Variants in MALRD1 observed in about 807,000 individuals in gnomAD.
MALRD1 encodes the protein MAM and LDL-receptor class A domain-containing protein 1.
MALRD1 carries 247 observed loss-of-function variants against 242.1 expected under a neutral mutation model. The ratio of observed to expected loss-of-function variants is 1.02; its 90% CI spans 0.92 to 1.13. MALRD1 has a LOEUF of 1.13. Among genes scored for constraint, MALRD1 ranks in the 50% most tolerant of loss-of-function variants. The pLI is 0.00. For synonymous variants in MALRD1, 995 were observed against 866.6 expected (o/e 1.15, Z -2.60); for missense variants, 2,989 against 2,533.1 (o/e 1.18, Z -3.86).
chr10:19,198,496 A>G (rs909311864), intron 14 of MALRD1, among the ~76,000 whole-genome samples: 5 of 152,206 alleles, frequency 3.3e-5, no homozygotes, highest in Non-Finnish European at 5.9e-5. Context: ...TTTATTCTAC[A>G]GGATAATAAC....
chr10:19,388,890 A>AG (rs1396356256), intron 27 of MALRD1, among the ~76,000 whole-genome samples: 2 of 151,384 alleles, frequency 1.3e-5, no homozygotes, highest in Non-Finnish European at 2.9e-5. Flanking sequence ...TGAAAAAAAA[A>AG]AAAAAAAAAG....
intron 36 of MALRD1, among the ~76,000 whole-genome samples, chr10:19,630,030 C>A (rs1036256896): frequency 1.3e-5 from 2 of 152,110 alleles, no homozygotes; most frequent in Non-Finnish European, 2.9e-5. Context: ...AATTTTGAAA[C>A]CCCCTTGGGA....
At chr10:19,660,187 A>G (rs947833666) in intron 36 of MALRD1, among the ~76,000 whole-genome samples, 8 of 152,190 alleles carry the variant, frequency 5.3e-5, no homozygotes, top group Admixed American at 3.3e-4. Flanking sequence ...TATACAGACA[A>G]TATGTCAGAG....
chr10:19,389,276 G>A, intron 27 of MALRD1, 176 bp from the exon 28 acceptor site: 2 of 736,872 alleles, frequency 2.7e-6, no homozygotes, highest in Non-Finnish European at 2.4e-6. Context: ...GTTGGAAATT[G>A]TTCTGTCAGC....
intron 21 of MALRD1, among the ~76,000 whole-genome samples, chr10:19,293,718 C>T (rs912315321): frequency 3.9e-5 from 6 of 151,924 alleles, no homozygotes; most frequent in Admixed American, 6.6e-5. Flanking sequence ...AACTCTTGGA[C>T]GCAAAGAAGG....
At chr10:19,115,287 C>T (rs913709033) in intron 5 of MALRD1, among the ~76,000 whole-genome samples, 1 of 152,172 alleles carries the variant, frequency 6.6e-6, no homozygotes, top group Non-Finnish European at 1.5e-5. Flanking sequence ...CGTGCTCCCT[C>T]TTCTTGGAGA....
At position 19,283,167 on chromosome 10, in the gene MALRD1, A is replaced by C. The variant is rs1385050602; in HGVS notation, c.3405A>C (p.Ser1135=). ...ATGGGGAAGAAAACCACAGGCCATC[A>C]GTGGATCATACACAGTAAGTGACCA... ...IHHGEENHRP[S]VDHTQNTTDG... The change falls in exon 21 of 40, where the codon TCA becomes TCC. Residue 1135 remains serine, a synonymous_variant. Transcript: ENST00000454679. 2 of 1,547,394 alleles carry C rather than the reference A, an allele frequency of 1.3e-6. No homozygotes were observed. The highest frequency in any genetic ancestry group is 1.4e-5 in the African/African-American group (1 of 72,902).
In MALRD1 at chr10:19,347,664, G is replaced by T. The variant is rs552200185; in HGVS notation, c.3902-107G>T. The stretch of plus-strand genomic sequence containing the variant: ...TTGCTATCAGGATAGCATTATGAAG[G>T]TTTCAAATATTACATGATACAGCAA... On this transcript the variant is annotated intron_variant, in intron 24 of 39. Transcript: ENST00000454679. 6.1e-5 allele frequency: 80 copies of T among 1,308,742 alleles called. 1 individual carries two copies. The Admixed American group carries it at 1.4e-3, about 23-fold the overall frequency. 81.1% of individuals were successfully genotyped at this position (1,308,742 alleles called of 1,614,324 possible). A position where few individuals can be genotyped will look rare whatever the true frequency, so the allele number is the denominator to read the frequency against.
chr10:19,496,408 C>G (rs921545995), intron 30 of MALRD1, among the ~76,000 whole-genome samples: 2 of 152,102 alleles, frequency 1.3e-5, no homozygotes, highest in Non-Finnish European at 2.9e-5. Context: ...GAAGATCTCT[C>G]AAAACAACAC....
At chr10:19,415,533 T>C (rs1443844601) in intron 28 of MALRD1, among the ~76,000 whole-genome samples, 2 of 152,192 alleles carry the variant, frequency 1.3e-5, no homozygotes, top group Non-Finnish European at 2.9e-5. Flanking sequence ...ACAACCAATG[T>C]ACTATTTCTG....
At chr10:19,499,821 G>A (rs1837889605) in intron 31 of MALRD1, among the ~76,000 whole-genome samples, 1 of 152,194 alleles carries the variant, frequency 6.6e-6, no homozygotes, top group Non-Finnish European at 1.5e-5. Context: ...ATTCCAGGCA[G>A]ATTGAATGTA....
chr10:19,128,093 C>G, intron 7 of MALRD1, 128 bp from the exon 8 acceptor site: 1 of 554,814 alleles, frequency 1.8e-6, no homozygotes, highest in Non-Finnish European at 2.7e-6. Flanking sequence ...TGAAAACGCT[C>G]TATCCTTTTA....
intron 31 of MALRD1, among the ~76,000 whole-genome samples, chr10:19,530,893 G>T (rs1338613): frequency 0.096 from 14,650 of 152,026 alleles, 2,135 homozygotes; most frequent in African/African-American, 0.31. Flanking sequence ...TTTATTGCTG[G>T]AATCTGACAG....
chr10:19,160,037 A>T (rs1028509403), intron 12 of MALRD1, among the ~76,000 whole-genome samples: 7 of 152,198 alleles, frequency 4.6e-5, no homozygotes, highest in Admixed American at 1.3e-4. Flanking sequence ...TCTTGAATGC[A>T]GTGATTCAAA....
In MALRD1 at chr10:19,205,019, A is replaced by T. The variant is rs1836722949; in HGVS notation, c.2332A>T (p.Thr778Ser). 1.7e-5 allele frequency: 26 copies of T among 1,550,878 alleles called. No individual in the cohort carries two copies. Among genetic ancestry groups the T allele is most frequent in the Non-Finnish European group, 2.3e-5 (26 of 1,147,036 alleles). The change falls in exon 17 of 40, where the codon ACC becomes TCC. Residue 778 changes from threonine (T) to serine (S), a missense_variant. By Grantham distance (58) the Thr-to-Ser change is moderately conservative (BLOSUM62 1). Transcript: ENST00000454679. ...YNQGKQWLEATIQLGRLSQPF... is the reference protein window; with the variant it reads ...YNQGKQWLEASIQLGRLSQPF... ...TCAGGGCAAACAATGGTTGGAGGCA[A>T]CCATTCAGCTAGGGCGCCTTTCGCA...
chr10:19,592,107 A>C (rs553086508), intron 33 of MALRD1, among the ~76,000 whole-genome samples: 7 of 152,306 alleles, frequency 4.6e-5, no homozygotes, highest in African/African-American at 1.7e-4. Flanking sequence ...GAGGAGATTT[A>C]ATTTAAACTA....
At chr10:19,615,590 CAAGT>C (rs981997223) in intron 35 of MALRD1, among the ~76,000 whole-genome samples, 1 of 112,486 alleles carries the variant, frequency 8.9e-6, no homozygotes, top group Non-Finnish European at 1.9e-5. Context: ...AAAAATTAAA[CAAGT>C]AAATAATTTT....
intron 26 of MALRD1, among the ~76,000 whole-genome samples, chr10:19,386,181 G>A (rs1404271478): frequency 6.6e-6 from 1 of 152,002 alleles, no homozygotes; most frequent in African/African-American, 2.4e-5. Flanking sequence ...TAAAATGTGA[G>A]ACTTATCCAG....
intron 29 of MALRD1, among the ~76,000 whole-genome samples, chr10:19,469,915 C>G (rs1045368002): frequency 6.6e-6 from 1 of 152,040 alleles, no homozygotes; most frequent in African/African-American, 2.4e-5. Context: ...CCACACATCC[C>G]AAAGTTTCCT....
Sources: gnomAD v4.1 joint callset for allele counts (sites outside exome capture counted in the v4.1 genomes callset) on GRCh38, gnomAD v4.1.1 for gene constraint, MANE v1.5 for transcripts, NCBI Gene and HGNC (gene_info 2026-07-23, HGNC 2026-07-21) for gene names.